EPHB1: variants seen among roughly 807,000 people sequenced by gnomAD.
The protein encoded by EPHB1 is EPH receptor B1.
EPHB1 carries 30 observed loss-of-function variants against 94.4 expected under a neutral mutation model. That is an observed-to-expected ratio of 0.32 (90% CI 0.24 to 0.43). EPHB1 has a LOEUF of 0.43. Ranked by LOEUF, EPHB1 falls within the 20% of genes least tolerant of loss-of-function variation. The pLI, the probability that EPHB1 is intolerant of heterozygous loss-of-function variation, is 1.00. For synonymous variants in EPHB1, 522 were observed against 489.1 expected, an observed-to-expected ratio of 1.07 and a Z score of -0.89; for missense variants, 1,055 against 1,308.3, an observed-to-expected ratio of 0.81 and a Z score of 2.99.
rs1559768873 is a variant in EPHB1, at chr3:134,951,700, TG to T, written c.458del (p.Gly153GlufsTer3). 1 of 1,614,058 alleles carries T rather than the reference TG, an allele frequency of 6.2e-7. No homozygotes were observed. Among genetic ancestry groups the T allele is most frequent in the Non-Finnish European group, 8.5e-7 (1 of 1,179,962 alleles). ...ATGAGAGCTTCTCCCAGGTGGACTT[TG>T]GGGGAAGGCTGATGAAGGTAAACAC... is the stretch of plus-strand genomic sequence containing the variant. ...ADESFSQVDF[G>X]GRLMKVNTEV... On this transcript the variant is annotated frameshift_variant, in exon 3 of 16. Transcript: ENST00000398015. LOFTEE classifies it high-confidence loss of function. The surrounding 1 kb of genome is among the most constrained non-coding windows in gnomAD (Gnocchi z 4.5).
intron 9 of EPHB1, among the ~76,000 whole-genome samples, chr3:135,176,067 A>T (rs193103320): frequency 1.1e-3 from 171 of 152,114 alleles, no homozygotes; most frequent in African/African-American, 4.1e-3. Flanking sequence ...ATCTTCTAAG[A>T]TTTGGAAAGG....
intron 3 of EPHB1, among the ~76,000 whole-genome samples, chr3:135,086,194 C>A (rs1576372194): frequency 6.6e-6 from 1 of 152,064 alleles, no homozygotes; most frequent in African/African-American, 2.4e-5. Flanking sequence ...GTCCGGGCAG[C>A]CCCTTCCAGG....
intron 12 of EPHB1, among the ~76,000 whole-genome samples, chr3:135,222,541 A>G (rs4491931): frequency 0.66 from 99,660 of 152,070 alleles, 33,877 homozygotes; most frequent in Middle Eastern, 0.76. Flanking sequence ...TTGAACACTG[A>G]AGAGGGCCTT....
rs774829230 is a variant in EPHB1, at chr3:134,795,728, C to G, written c.58+39C>G. The G allele has an allele frequency of 2.3e-5, 37 of 1,601,530 alleles. No individual in the cohort carries two copies. The South Asian group carries it at 2.3e-4, about 10-fold the overall frequency. ...CACGGAGCAAGTTGGCTGCTGGTGCCGGCCGCCTTGGGACTGCTGTGCTCC... is the reference window on the plus strand; with the variant it reads ...CACGGAGCAAGTTGGCTGCTGGTGCGGGCCGCCTTGGGACTGCTGTGCTCC... On this transcript the variant is annotated intron_variant, in intron 1 of 15. Transcript: ENST00000398015.
intron 3 of EPHB1, among the ~76,000 whole-genome samples, chr3:134,985,861 C>T (rs1379915154): frequency 1.3e-5 from 2 of 152,070 alleles, no homozygotes; most frequent in East Asian, 1.9e-4. Context: ...TAGCAGAAGC[C>T]CATAATTCTG....
intron 3 of EPHB1, among the ~76,000 whole-genome samples, chr3:134,971,166 T>A (rs1335078177): frequency 6.6e-6 from 1 of 152,136 alleles, no homozygotes. Context: ...GCTTAACTTA[T>A]CAAGTGTGGG....
chr3:134,935,860 T>A (rs192054643), intron 2 of EPHB1, among the ~76,000 whole-genome samples: 117 of 152,272 alleles, frequency 7.7e-4, no homozygotes, highest in South Asian at 2.1e-3. Context: ...ATCATCACGA[T>A]TAATTACATA....
intron 1 of EPHB1, among the ~76,000 whole-genome samples, chr3:134,913,962 T>C (rs548360): frequency 0.43 from 66,038 of 151,846 alleles, 16,759 homozygotes; most frequent in African/African-American, 0.68. Context: ...TAGAGAGAAG[T>C]CCATCCCAGA....
chr3:135,193,213 C>T (rs534179741), intron 11 of EPHB1, among the ~76,000 whole-genome samples: 2 of 152,340 alleles, frequency 1.3e-5, no homozygotes, highest in South Asian at 4.1e-4. Context: ...CCAGACTGCT[C>T]TCTGCATTTA....
intron 10 of EPHB1, among the ~76,000 whole-genome samples, chr3:135,183,344 T>C (rs1270048229): frequency 1.3e-5 from 2 of 149,978 alleles, no homozygotes; most frequent in African/African-American, 2.5e-5. Context: ...CTCCAGACTA[T>C]GTAAAGTTAT....
At chr3:135,250,704 AACACACACACAT>A (rs1318476547) in intron 15 of EPHB1, among the ~76,000 whole-genome samples, 4 of 152,040 alleles carry the variant, frequency 2.6e-5, no homozygotes, top group Non-Finnish European at 5.9e-5. Context: ...CTACCCTTCA[AACACACACACAT>A]ACACACACAC....
chr3:134,965,129 A>AT (rs1199170334), intron 3 of EPHB1, among the ~76,000 whole-genome samples: 1 of 151,922 alleles, frequency 6.6e-6, no homozygotes, highest in Non-Finnish European at 1.5e-5. Flanking sequence ...CAGTCTCATT[A>AT]TTTTTCTGGA....
intron 3 of EPHB1, among the ~76,000 whole-genome samples, chr3:134,958,458 A>C (rs1351342068): frequency 2.1e-5 from 3 of 144,130 alleles, no homozygotes; most frequent in African/African-American, 8.1e-5. Context: ...GTGAGGCCTC[A>C]GTGCTGGAAG....
At chr3:134,868,181 A>G (rs1286877136) in intron 1 of EPHB1, among the ~76,000 whole-genome samples, 5 of 152,220 alleles carry the variant, frequency 3.3e-5, no homozygotes, top group African/African-American at 1.2e-4. Flanking sequence ...GATTAATGCT[A>G]CTTAAGATCT....
At chr3:135,100,329 A>C (rs1025238175) in intron 3 of EPHB1, among the ~76,000 whole-genome samples, 1 of 152,162 alleles carries the variant, frequency 6.6e-6, no homozygotes, top group African/African-American at 2.4e-5. Context: ...TGAAAATTAT[A>C]AAATAATATT....
intron 3 of EPHB1, among the ~76,000 whole-genome samples, chr3:135,098,983 A>G (rs1316088811): frequency 7.5e-6 from 1 of 134,052 alleles, no homozygotes; most frequent in Non-Finnish European, 1.5e-5. Context: ...ACTGCACTCC[A>G]GTCTGGGCAA....
intron 3 of EPHB1, among the ~76,000 whole-genome samples, chr3:135,012,993 C>T (rs766250885): frequency 6.6e-5 from 10 of 152,130 alleles, no homozygotes; most frequent in Non-Finnish European, 8.8e-5. Flanking sequence ...TAACCAAAAT[C>T]TGCCTTTTGC....
chr3:134,911,270 C>T (rs546547038), intron 1 of EPHB1, among the ~76,000 whole-genome samples: 112 of 152,266 alleles, frequency 7.4e-4, no homozygotes, highest in Non-Finnish European at 7.5e-4. Context: ...TCTCTCAGAG[C>T]CTGCAGGGAA....
intron 1 of EPHB1, among the ~76,000 whole-genome samples, chr3:134,882,783 T>C (rs1218062712): frequency 1.6e-5 from 1 of 63,744 alleles, no homozygotes; most frequent in African/African-American, 5.0e-5. Context: ...TCTTTCTTTC[T>C]TTCTTTCTTT....
Sources: allele counts gnomAD v4.1 joint callset (sites outside exome capture counted in the v4.1 genomes callset), GRCh38; gene constraint gnomAD v4.1.1; non-coding constraint Gnocchi (gnomAD v3.1); transcripts MANE v1.5; gene names NCBI Gene and HGNC (gene_info 2026-07-23, HGNC 2026-07-21).